The following NTRK3 variants were observed in gnomAD, a reference collection of about 807,000 sequenced individuals.
NTRK3 encodes the protein NT-3 growth factor receptor.
NTRK3 carries 24 observed loss-of-function variants against 91.7 expected under a neutral mutation model. The ratio of observed to expected loss-of-function variants is 0.26; its 90% confidence interval spans 0.19 to 0.37. The LOEUF (loss-of-function observed/expected upper bound fraction) is 0.37. Ranked by LOEUF, NTRK3 falls within the 10% of genes least tolerant of loss-of-function variation. The pLI is 1.00. For missense variants in NTRK3, 880 were observed against 1,068.9 expected (o/e 0.82, Z 2.46); for synonymous variants, 483 against 404.0 (o/e 1.20, Z -2.34).
At chr15:87,861,741 T>A (rs2064530257) in exon 19 of NTRK3, 1 of 195,086 alleles carries the variant, frequency 5.1e-6, no homozygotes, top group Admixed American at 6.1e-5. Flanking sequence ...GGCAGAGGGC[T>A]AGACGCGCCC....
At chr15:88,200,351 T>G (rs1208568841) in intron 3 of NTRK3, among the ~76,000 whole-genome samples, 1 of 152,196 alleles carries the variant, frequency 6.6e-6, no homozygotes, top group East Asian at 1.9e-4. Flanking sequence ...GCACCTACTA[T>G]GTGCCAGCTC....
At chr15:87,905,257 C>G (rs914509457) in intron 17 of NTRK3, among the ~76,000 whole-genome samples, 1 of 152,094 alleles carries the variant, frequency 6.6e-6, no homozygotes, top group Non-Finnish European at 1.5e-5. Context: ...CTCTAAAACT[C>G]CAAGGAAAGT....
intron 15 of NTRK3, among the ~76,000 whole-genome samples, chr15:87,933,414 G>A (rs777490139): frequency 3.3e-5 from 5 of 152,168 alleles, no homozygotes; most frequent in African/African-American, 9.7e-5. Flanking sequence ...TCCACATCCC[G>A]TGCACTCTCC....
At chr15:88,101,396 G>A (rs1039386488) in intron 13 of NTRK3, among the ~76,000 whole-genome samples, 7 of 152,212 alleles carry the variant, frequency 4.6e-5, no homozygotes, top group Non-Finnish European at 5.9e-5. Context: ...TGGAGAAATA[G>A]GAACACTTTT....
chr15:88,087,050 C>T (rs963377270), intron 13 of NTRK3, among the ~76,000 whole-genome samples: 1 of 152,224 alleles, frequency 6.6e-6, no homozygotes, highest in Non-Finnish European at 1.5e-5. Context: ...AGGTTTCCAG[C>T]AGTGGAACAC....
intron 17 of NTRK3, among the ~76,000 whole-genome samples, chr15:87,891,342 G>C (rs147997890): frequency 6.6e-6 from 1 of 152,070 alleles, no homozygotes; most frequent in Non-Finnish European, 1.5e-5. Flanking sequence ...TTTCATGTTT[G>C]CTTTTAATTT....
intron 13 of NTRK3, among the ~76,000 whole-genome samples, chr15:88,090,093 T>TATAGGGC (rs2048878098): frequency 6.6e-6 from 1 of 151,976 alleles, no homozygotes; most frequent in Non-Finnish European, 1.5e-5. Flanking sequence ...AGCCCTCCCC[T>TATAGGGC]CTCTGCTCGG....
At chr15:88,227,218 C>A (rs148379373) in intron 3 of NTRK3, among the ~76,000 whole-genome samples, 63 of 152,294 alleles carry the variant, frequency 4.1e-4, no homozygotes, top group African/African-American at 1.3e-3. Flanking sequence ...TCCACTGGCT[C>A]TTCCTTTGTG....
chr15:88,131,174 T>A (rs2041298774), intron 10 of NTRK3, among the ~76,000 whole-genome samples: 1 of 152,280 alleles, frequency 6.6e-6, no homozygotes, highest in Non-Finnish European at 1.5e-5. Context: ...CTGATGCTGC[T>A]GTTCCCTTTG....
At chr15:88,244,914 A>G (rs894789439) in intron 3 of NTRK3, among the ~76,000 whole-genome samples, 20 of 152,240 alleles carry the variant, frequency 1.3e-4, no homozygotes, top group African/African-American at 4.6e-4. Context: ...AAGAAGCTAG[A>G]TGCTACTAAA....
At chr15:87,887,666 A>G (rs2065627841) in intron 17 of NTRK3, among the ~76,000 whole-genome samples, 1 of 152,186 alleles carries the variant, frequency 6.6e-6, no homozygotes, top group South Asian at 2.1e-4. Context: ...CCTGTCTGGG[A>G]AAGGTAGTGG....
chr15:88,197,094 C>CCAA (rs2047890847), intron 3 of NTRK3, among the ~76,000 whole-genome samples: 1 of 56,510 alleles, frequency 1.8e-5, no homozygotes, highest in South Asian at 1.3e-3. Flanking sequence ...TTGAGCAGGA[C>CCAA]AAAAAAAAAA....
intron 3 of NTRK3, among the ~76,000 whole-genome samples, chr15:88,227,810 C>A (rs183887673): frequency 6.6e-6 from 1 of 152,200 alleles, no homozygotes; most frequent in Non-Finnish European, 1.5e-5. Flanking sequence ...GACCACTACC[C>A]TCCCCCTAGA....
At chr15:88,256,284 C>T in exon 2 of NTRK3, 5 of 679,604 alleles carry the variant, frequency 7.4e-6, no homozygotes, top group Non-Finnish European at 1.3e-5. Context: ...GGGCCTCTGC[C>T]TTTGAAACGC....
chr15:87,864,727 C>T (rs2064617100), exon 19 of NTRK3: 1 of 229,204 alleles, frequency 4.4e-6, no homozygotes, highest in African/African-American at 2.2e-5. Flanking sequence ...AATGGCAAAA[C>T]TTCTAAAAAA....
chr15:87,952,960 G>T (rs909184206), intron 14 of NTRK3, among the ~76,000 whole-genome samples: 6 of 152,172 alleles, frequency 3.9e-5, no homozygotes, highest in African/African-American at 2.4e-5. Flanking sequence ...GGCCCTCCGC[G>T]TGGGCAGCCA....
At chr15:87,901,490 T>C (rs1025713206) in intron 17 of NTRK3, among the ~76,000 whole-genome samples, 1 of 152,226 alleles carries the variant, frequency 6.6e-6, no homozygotes, top group Non-Finnish European at 1.5e-5. Context: ...AGCCCTCATC[T>C]TAATTTATCT....
In NTRK3 at chr15:88,255,497, T is replaced by G. The variant is rs1331752544; in HGVS notation, c.248+409A>C. ...GCGCTGCCGCCGCTGCCACCGCCGCTGCCGCCTCTGCCAAAGAATCGAACC... is the reference window on the plus strand; with the variant it reads ...GCGCTGCCGCCGCTGCCACCGCCGCGGCCGCCTCTGCCAAAGAATCGAACC... On this transcript the variant is annotated intron_variant, in intron 3 of 18. Coordinates refer to ENST00000394480, the Ensembl canonical transcript of NTRK3. The surrounding 1 kb of genome is among the most constrained non-coding windows in gnomAD (Gnocchi z 4.3). 2.0e-5 allele frequency among the ~76,000 whole-genome samples: 3 copies of G among 152,166 alleles called. No homozygotes were observed. The highest frequency in any genetic ancestry group is 4.4e-5 in the Non-Finnish European group (3 of 68,026).
intron 13 of NTRK3, among the ~76,000 whole-genome samples, chr15:88,115,587 C>CA (rs1358273696): frequency 2.0e-5 from 3 of 152,232 alleles, no homozygotes; most frequent in Non-Finnish European, 2.9e-5. Context: ...AGGGCTGCTC[C>CA]AGCACAGAGG....
Sources: gnomAD v4.1 joint callset for allele counts (sites outside exome capture counted in the v4.1 genomes callset) on GRCh38, gnomAD v4.1.1 for gene constraint, Gnocchi (gnomAD v3.1) non-coding constraint, MANE v1.5 for transcripts, NCBI Gene and HGNC (gene_info 2026-07-23, HGNC 2026-07-21) for gene names.